The following PTPRN2 variants were observed in gnomAD, a reference collection of about 807,000 sequenced individuals.
PTPRN2 encodes protein tyrosine phosphatase receptor type N2.
Under a neutral mutation model 118.8 loss-of-function variants are expected in PTPRN2, and 74 were observed. The ratio of observed to expected loss-of-function variants is 0.62; its 90% CI spans 0.52 to 0.76. The LOEUF (loss-of-function observed/expected upper bound fraction) is 0.76, where lower values mean the gene tolerates loss of function less well. Ranked by LOEUF, PTPRN2 falls within the 30% of genes least tolerant of loss-of-function variation. PTPRN2 has a pLI of 0.00. For missense variants in PTPRN2, 1,481 were observed against 1,394.4 expected (o/e 1.06, Z -0.99); for synonymous variants, 641 against 608.0 (o/e 1.05, Z -0.80).
At chr7:158,513,069 G>A (rs1823289738) in intron 1 of PTPRN2, among the ~76,000 whole-genome samples, 2 of 152,138 alleles carry the variant, frequency 1.3e-5, no homozygotes, top group African/African-American at 4.8e-5. Flanking sequence ...TTCCCTCAGA[G>A]AGTGCAGCAG....
At chr7:157,937,021 T>C (rs1799751522) in intron 11 of PTPRN2, among the ~76,000 whole-genome samples, 1 of 152,242 alleles carries the variant, frequency 6.6e-6, no homozygotes. Context: ...TGCCTGCCCC[T>C]CTCACCCGCA....
chr7:158,342,263 C>G (rs527553760), intron 2 of PTPRN2, among the ~76,000 whole-genome samples: 3 of 139,976 alleles, frequency 2.1e-5, no homozygotes, highest in African/African-American at 8.2e-5. Flanking sequence ...GCAGACGTCA[C>G]TCACACCCAC....
At chr7:158,103,925 C>A (rs189131298) in intron 10 of PTPRN2, among the ~76,000 whole-genome samples, 2 of 151,800 alleles carry the variant, frequency 1.3e-5, no homozygotes, top group Non-Finnish European at 2.9e-5. Context: ...TGCAGTGGCG[C>A]GATCTCAGCT....
At chr7:158,033,316 G>A (rs569241019) in intron 11 of PTPRN2, among the ~76,000 whole-genome samples, 310 of 152,280 alleles carry the variant, frequency 2.0e-3, no homozygotes, top group African/African-American at 7.1e-3. Flanking sequence ...GAAACGAGTC[G>A]GTGATTAGCT....
intron 13 of PTPRN2, among the ~76,000 whole-genome samples, chr7:157,659,117 T>G (rs1380187894): frequency 6.6e-6 from 1 of 151,712 alleles, no homozygotes; most frequent in East Asian, 2.0e-4. Flanking sequence ...TAGAAAACAT[T>G]TCCCTCCACC....
At chr7:157,978,956 C>T (rs976064291) in intron 11 of PTPRN2, among the ~76,000 whole-genome samples, 6 of 152,002 alleles carry the variant, frequency 3.9e-5, no homozygotes, top group South Asian at 2.1e-4. Context: ...ACCTGCCCAG[C>T]GGAAGGCCCA....
At chr7:157,942,103 CCA>C (rs1424478444) in intron 11 of PTPRN2, among the ~76,000 whole-genome samples, 1 of 150,564 alleles carries the variant, frequency 6.6e-6, no homozygotes, top group Non-Finnish European at 1.5e-5. Context: ...GGCCTACCCT[CCA>C]CACACGAGGG....
chr7:158,081,251 T>G, intron 11 of PTPRN2, 47 bp downstream of exon 11: 1 of 1,447,132 alleles, frequency 6.9e-7, no homozygotes, highest in Non-Finnish European at 9.7e-7. Flanking sequence ...CGTGTGTGTG[T>G]GCACACACGT....
In PTPRN2 at chr7:157,585,674, T is replaced by C. The variant is rs1283472900; in HGVS notation, c.2497-7534A>G. 6.6e-6 allele frequency among the ~76,000 whole-genome samples: 1 copy of C among 152,136 alleles called. No homozygotes were observed. Among genetic ancestry groups the C allele is most frequent in the Non-Finnish European group, 1.5e-5 (1 of 68,014 alleles). ...GGGAGCTGCTGCACTGGGCGGCCTT[T>C]CCTTTTCAAGATCAGGACCTGACAT... On this transcript the variant is annotated intron_variant, in intron 17 of 22. Transcript: ENST00000389418. The surrounding 1 kb of genome is among the most constrained non-coding windows in gnomAD (Gnocchi z 5.2).
chr7:158,171,280 C>T (rs1382962529), intron 5 of PTPRN2, among the ~76,000 whole-genome samples: 2 of 94,598 alleles, frequency 2.1e-5, no homozygotes, highest in South Asian at 6.7e-4. Context: ...TATATACACA[C>T]ATATATATAC....
intron 9 of PTPRN2, among the ~76,000 whole-genome samples, chr7:158,126,389 G>A (rs1261290910): frequency 5.5e-5 from 1 of 18,316 alleles, no homozygotes. Flanking sequence ...CTTCCTCTCC[G>A]CCACACCAGC....
At chr7:157,837,199 T>C (rs878900779) in intron 12 of PTPRN2, among the ~76,000 whole-genome samples, 3 of 7,110 alleles carry the variant, frequency 4.2e-4, no homozygotes, top group Admixed American at 1.7e-3. Context: ...ACCCATCCAC[T>C]CACTACCACC....
At chr7:158,298,554 A>G (rs1409571534) in intron 3 of PTPRN2, among the ~76,000 whole-genome samples, 2 of 152,234 alleles carry the variant, frequency 1.3e-5, no homozygotes, top group East Asian at 3.8e-4. Flanking sequence ...TGTGCACATA[A>G]CAAAGTTTAT....
intron 2 of PTPRN2, among the ~76,000 whole-genome samples, chr7:158,479,664 C>A (rs1036292396): frequency 1.3e-5 from 2 of 152,244 alleles, no homozygotes; most frequent in Admixed American, 1.3e-4. Context: ...GAGAGATCTA[C>A]GCTCTGTGAA....
intron 12 of PTPRN2, among the ~76,000 whole-genome samples, chr7:157,790,019 A>AGTGTGTGTG (rs1554447358): frequency 6.4e-4 from 4 of 6,208 alleles, no homozygotes; most frequent in Admixed American, 1.8e-3. Flanking sequence ...GTGTGGTGTG[A>AGTGTGTGTG]ATGTGTGTGT....
In PTPRN2 at chr7:157,583,765, C is replaced by G. The variant is rs989190986; in HGVS notation, c.2497-5625G>C. On this transcript the variant is annotated intron_variant, in intron 17 of 22. Transcript: ENST00000389418. This position sits in a 1 kb window ranked among gnomAD's most constrained non-coding sequence, Gnocchi z 5.5. ...AGGTGTGTTGGTGGGTGCTGTAATCCCAGCTACTCAGGAGGCTGAGGCAGG... is the reference window on the plus strand; with the variant it reads ...AGGTGTGTTGGTGGGTGCTGTAATCGCAGCTACTCAGGAGGCTGAGGCAGG... Among the ~76,000 whole-genome samples, 1 of 151,992 alleles carries G rather than the reference C, an allele frequency of 6.6e-6. No individual in the cohort carries two copies. Among genetic ancestry groups the G allele is most frequent in the African/African-American group, 2.4e-5 (1 of 41,346 alleles).
intron 11 of PTPRN2, among the ~76,000 whole-genome samples, chr7:158,011,406 A>T (rs1806038031): frequency 6.6e-6 from 1 of 152,212 alleles, no homozygotes; most frequent in African/African-American, 2.4e-5. Flanking sequence ...AGATGCACAA[A>T]AGATGCACAG....
intron 12 of PTPRN2, among the ~76,000 whole-genome samples, chr7:157,694,118 G>A (rs893481492): frequency 6.6e-6 from 1 of 152,264 alleles, no homozygotes; most frequent in Non-Finnish European, 1.5e-5. Context: ...CTTTTCGTTA[G>A]TCCCTTCTTC....
At chr7:158,502,625 C>A (rs1822450658) in intron 1 of PTPRN2, among the ~76,000 whole-genome samples, 1 of 152,260 alleles carries the variant, frequency 6.6e-6, no homozygotes, top group South Asian at 2.1e-4. Context: ...CCCCAGTTCA[C>A]ACAGCGAGGC....
Sources: allele counts gnomAD v4.1 joint callset (sites outside exome capture counted in the v4.1 genomes callset), GRCh38; gene constraint gnomAD v4.1.1; non-coding constraint Gnocchi (gnomAD v3.1); transcripts MANE v1.5; gene names NCBI Gene and HGNC (gene_info 2026-07-23, HGNC 2026-07-21).